KCNQ5: variants seen among roughly 807,000 people sequenced by gnomAD.
KCNQ5 encodes potassium voltage-gated channel subfamily Q member 5, also known as potassium voltage-gated channel subfamily KQT member 5.
In KCNQ5, 30 loss-of-function variants were observed where a neutral mutation model predicts 98.2. The ratio of observed to expected loss-of-function variants is 0.31; its 90% CI spans 0.23 to 0.41. The LOEUF is 0.41. Ranked by LOEUF, KCNQ5 falls within the 10% of genes least tolerant of loss-of-function variation. The pLI is 1.00. For synonymous variants in KCNQ5, 458 were observed against 449.4 expected, an observed-to-expected ratio of 1.02 and a Z score of -0.24; for missense variants, 835 against 1,182.5, an observed-to-expected ratio of 0.71 and a Z score of 4.31.
chr6:73,145,244 C>T (rs1213458293), intron 10 of KCNQ5, among the ~76,000 whole-genome samples: 1 of 152,206 alleles, frequency 6.6e-6, no homozygotes, highest in African/African-American at 2.4e-5. Flanking sequence ...ATTTAATACA[C>T]ACATAGCCAT....
chr6:73,142,894 C>A (rs960725409), intron 10 of KCNQ5, among the ~76,000 whole-genome samples: 1 of 151,982 alleles, frequency 6.6e-6, no homozygotes, highest in African/African-American at 2.4e-5. Context: ...CCAGCCTGGG[C>A]GACAAGAGCA....
intron 1 of KCNQ5, among the ~76,000 whole-genome samples, chr6:72,936,227 A>T (rs954036419): frequency 3.3e-5 from 5 of 152,208 alleles, no homozygotes; most frequent in African/African-American, 1.2e-4. Flanking sequence ...CTCATCTGAA[A>T]TAACCTACCC....
At position 73,196,879 on chromosome 6, in the gene KCNQ5, AC is replaced by A. The variant is rs1765805573; in HGVS notation, c.*1468del. 1 of 152,082 alleles carries A rather than the reference AC, an allele frequency of 6.6e-6. No homozygotes were observed. The highest frequency in any genetic ancestry group is 6.6e-5 in the Admixed American group (1 of 15,248). The allele number at this position is 152,082 out of a possible 1,614,324, so 9.4% of individuals were successfully genotyped here. A position where few individuals can be genotyped will look rare whatever the true frequency, so the allele number is the denominator to read the frequency against. On this transcript the variant is annotated 3_prime_UTR_variant, in exon 14 of 14. Transcript: ENST00000370398. Reference sequence around the variant, plus strand: ...AAGCAATGCTGACTGCTTGTTAGAAACCCATCTAGCTATCTTAGGTCACCAG... The same window carrying A: ...AAGCAATGCTGACTGCTTGTTAGAAACCATCTAGCTATCTTAGGTCACCAG...
chr6:72,899,130 C>T lies in KCNQ5; in HGVS notation c.399-104778C>T, dbSNP rs762596540. 5.5e-4 allele frequency among the ~76,000 whole-genome samples: 83 copies of T among 152,058 alleles called. 1 individual carries two copies. The highest frequency in any genetic ancestry group is 1.3e-3 in the Admixed American group (20 of 15,258). ...ATTTTTTCCCATTATGTAGGTTGCCCGCACTCTGATGATAGTTTCTTTTGC... is the reference window on the plus strand; with the variant it reads ...ATTTTTTCCCATTATGTAGGTTGCCTGCACTCTGATGATAGTTTCTTTTGC... On this transcript the variant is annotated intron_variant, in intron 1 of 13. Coordinates refer to ENST00000370398, the MANE Select transcript of KCNQ5 (RefSeq NM_019842.4).
At chr6:73,038,817 T>C (rs1771561391) in intron 2 of KCNQ5, among the ~76,000 whole-genome samples, 1 of 151,754 alleles carries the variant, frequency 6.6e-6, no homozygotes, top group African/African-American at 2.4e-5. Flanking sequence ...TGCTTTGTTT[T>C]ATTGTCTTTG....
chr6:72,914,019 G>T (rs1046552939), intron 1 of KCNQ5, among the ~76,000 whole-genome samples: 2 of 152,098 alleles, frequency 1.3e-5, no homozygotes, highest in Admixed American at 1.3e-4. Flanking sequence ...GTGTAGGGAG[G>T]GCACCTCTGG....
chr6:73,150,850 GTA>G (rs755198018), intron 10 of KCNQ5, among the ~76,000 whole-genome samples: 17 of 151,472 alleles, frequency 1.1e-4, no homozygotes, highest in East Asian at 9.7e-4. Context: ...GTGTGTGTGT[GTA>G]TATCCATTTA....
chr6:73,083,474 C>T (rs377321334), intron 5 of KCNQ5, among the ~76,000 whole-genome samples: 7 of 151,154 alleles, frequency 4.6e-5, no homozygotes, highest in Admixed American at 6.6e-5. Context: ...AGTTTATGCA[C>T]CACTAAAAAA....
rs749595507 is a variant in KCNQ5, at chr6:72,822,308, C to T, written c.399-181600C>T. 2.8e-4 allele frequency among the ~76,000 whole-genome samples: 43 copies of T among 152,256 alleles called. No homozygotes were observed. In the Middle Eastern group the frequency reaches 0.01, roughly 36 times the overall value. ...CTGCCACTGTATGTGGTCATTTGGG[C>T]GACTGCAGTTCTGCAAACTTACCTC... On this transcript the variant is annotated intron_variant, in intron 1 of 13. Transcript: ENST00000370398.
At chr6:72,829,108 G>C (rs1442893415) in intron 1 of KCNQ5, among the ~76,000 whole-genome samples, 3 of 151,952 alleles carry the variant, frequency 2.0e-5, no homozygotes, top group African/African-American at 7.2e-5. Context: ...ACCTTTGCTT[G>C]CCTGTTTCTC....
chr6:72,950,829 C>T (rs140023855), intron 1 of KCNQ5, among the ~76,000 whole-genome samples: 172 of 152,240 alleles, frequency 1.1e-3, no homozygotes, highest in Non-Finnish European at 1.9e-3. Context: ...CAAATATTGA[C>T]GCTTTTTGCC....
At chr6:73,166,148 T>A (rs796142983) in intron 10 of KCNQ5, among the ~76,000 whole-genome samples, 10 of 151,336 alleles carry the variant, frequency 6.6e-5, no homozygotes, top group African/African-American at 2.4e-4. Flanking sequence ...TAAAACACAC[T>A]CAGGCCGGGC....
chr6:72,867,967 C>A (rs2350091), intron 1 of KCNQ5, among the ~76,000 whole-genome samples: 28,440 of 149,546 alleles, frequency 0.19, 3,069 homozygotes, highest in East Asian at 0.33. Context: ...ACTACTACTA[C>A]TACTAATAAT....
chr6:73,094,834 T>C (rs551996686), intron 5 of KCNQ5, among the ~76,000 whole-genome samples: 7 of 152,188 alleles, frequency 4.6e-5, no homozygotes, highest in Non-Finnish European at 1.0e-4. Context: ...CCAGGTACTT[T>C]TGTCTCACTG....
intron 1 of KCNQ5, among the ~76,000 whole-genome samples, chr6:72,933,275 C>T (rs1207300315): frequency 6.6e-6 from 1 of 152,112 alleles, no homozygotes. Flanking sequence ...TAGATAAGAG[C>T]CAAAAGGAGA....
At chr6:72,849,603 A>G (rs955124042) in intron 1 of KCNQ5, among the ~76,000 whole-genome samples, 1 of 152,178 alleles carries the variant, frequency 6.6e-6, no homozygotes, top group African/African-American at 2.4e-5. Context: ...CAAGAACTAC[A>G]TGCCCATCAG....
intron 11 of KCNQ5, among the ~76,000 whole-genome samples, chr6:73,174,361 A>G (rs1003762547): frequency 3.3e-5 from 5 of 152,194 alleles, no homozygotes; most frequent in Non-Finnish European, 7.3e-5. Context: ...GTGAATATCA[A>G]CAAAACCACT....
At chr6:72,984,171 C>T (rs867660866) in intron 1 of KCNQ5, among the ~76,000 whole-genome samples, 2 of 152,172 alleles carry the variant, frequency 1.3e-5, no homozygotes, top group African/African-American at 2.4e-5. Context: ...GGGTCAGGGA[C>T]CCACTTGAGG....
intron 1 of KCNQ5, among the ~76,000 whole-genome samples, chr6:72,980,295 C>A (rs1032459493): frequency 3.9e-5 from 6 of 152,154 alleles, no homozygotes; most frequent in African/African-American, 9.7e-5. Flanking sequence ...AATATTGATT[C>A]TTCCTATCCA....
Sources: gnomAD v4.1 joint callset for allele counts (sites outside exome capture counted in the v4.1 genomes callset) on GRCh38, gnomAD v4.1.1 for gene constraint, MANE v1.5 for transcripts, NCBI Gene and HGNC (gene_info 2026-07-23, HGNC 2026-07-21) for gene names.